The following EGFLAM variants were observed in gnomAD, a reference collection of about 807,000 sequenced individuals.
The protein encoded by EGFLAM is pikachurin.
EGFLAM carries 79 observed loss-of-function variants against 113.1 expected under a neutral mutation model. The observed-to-expected ratio is 0.70, with a 90% CI of 0.58 to 0.84. The LOEUF is 0.84. EGFLAM is among the 40% of genes least tolerant of loss of function. The pLI, the probability that EGFLAM is intolerant of heterozygous loss-of-function variation, is 0.00. For synonymous variants in EGFLAM, 504 were observed against 487.6 expected, an observed-to-expected ratio of 1.03 and a Z score of -0.44; for missense variants, 1,265 against 1,291.6, an observed-to-expected ratio of 0.98 and a Z score of 0.32.
intron 1 of EGFLAM, among the ~76,000 whole-genome samples, chr5:38,299,392 G>A (rs1186233881): frequency 1.1e-4 from 17 of 152,236 alleles, no homozygotes; most frequent in Non-Finnish European, 7.3e-5. Flanking sequence ...AAGACAGTGA[G>A]CCAAGGTGAG....
chr5:38,456,210 A>G (rs978751111), intron 19 of EGFLAM, among the ~76,000 whole-genome samples: 2 of 152,076 alleles, frequency 1.3e-5, no homozygotes, highest in African/African-American at 2.4e-5. Flanking sequence ...AGCATTCCCT[A>G]GGATTCTTCA....
At chr5:38,417,280 G>C (rs1250020266) in intron 11 of EGFLAM, among the ~76,000 whole-genome samples, 2 of 149,610 alleles carry the variant, frequency 1.3e-5, no homozygotes, top group Non-Finnish European at 3.0e-5. Context: ...CCTGGGAGGC[G>C]GAGGTTACGG....
chr5:38,394,853 G>A (rs1561065799), intron 6 of EGFLAM, among the ~76,000 whole-genome samples: 2 of 151,062 alleles, frequency 1.3e-5, no homozygotes, highest in Non-Finnish European at 2.9e-5. Context: ...TTAAAGATCT[G>A]TTAGTGATAA....
intron 1 of EGFLAM, among the ~76,000 whole-genome samples, chr5:38,281,624 T>C (rs1579721445): frequency 6.6e-6 from 1 of 152,178 alleles, no homozygotes. Flanking sequence ...TTTGTGGAAG[T>C]GGCACGGGGA....
At chr5:38,326,902 G>A (rs1166405262) in intron 1 of EGFLAM, among the ~76,000 whole-genome samples, 1 of 150,182 alleles carries the variant, frequency 6.7e-6, no homozygotes, top group African/African-American at 2.5e-5. Context: ...AGGTTCAAGC[G>A]ATTCTCCTGC....
intron 1 of EGFLAM, 36 bp downstream of exon 1, chr5:38,258,887 G>T (rs1193935922): frequency 4.4e-6 from 7 of 1,589,916 alleles, no homozygotes; most frequent in Non-Finnish European, 6.0e-6. Flanking sequence ...ACCACGCCCC[G>T]AGCGCCCCTG....
At chr5:38,314,130 C>T (rs367679029) in intron 1 of EGFLAM, among the ~76,000 whole-genome samples, 1 of 152,094 alleles carries the variant, frequency 6.6e-6, no homozygotes, top group African/African-American at 2.4e-5. Context: ...TTTTCTAATT[C>T]TTTAATCCAT....
At chr5:38,425,165 T>G in intron 13 of EGFLAM, 73 bp downstream of exon 13, 4 of 1,543,532 alleles carry the variant, frequency 2.6e-6, no homozygotes, top group African/African-American at 1.4e-5. Flanking sequence ...ATCATCAATA[T>G]AGTTTCTTTG....
intron 1 of EGFLAM, among the ~76,000 whole-genome samples, chr5:38,323,507 A>C (rs1023698198): frequency 6.6e-5 from 10 of 152,196 alleles, no homozygotes; most frequent in African/African-American, 2.2e-4. Flanking sequence ...TTTTAGTTTC[A>C]AATGCTATGT....
chr5:38,414,705 A>T lies in EGFLAM; in HGVS notation c.1494+2057A>T, dbSNP rs143322408. Among the ~76,000 whole-genome samples, 24 of 152,302 alleles carry T rather than the reference A, an allele frequency of 1.6e-4. No homozygotes were observed. The East Asian group carries it at 3.9e-3, about 25-fold the overall frequency. ...TGACTTGAAATCCCTTCAATGATTG[A>T]TTGAAGGAGCAATGTTTAGTTTGGA... On this transcript the variant is annotated intron_variant, in intron 11 of 21. Coordinates refer to ENST00000322350, the MANE Select transcript of EGFLAM (RefSeq NM_152403.4).
chr5:38,393,020 G>A (rs934735165), intron 6 of EGFLAM, among the ~76,000 whole-genome samples: 49 of 152,218 alleles, frequency 3.2e-4, no homozygotes, highest in African/African-American at 1.0e-3. Context: ...TTACAAGCGT[G>A]AGCCACCGCA....
chr5:38,288,360 T>C (rs1393881145), intron 1 of EGFLAM, among the ~76,000 whole-genome samples: 2 of 152,188 alleles, frequency 1.3e-5, no homozygotes, highest in East Asian at 1.9e-4. Flanking sequence ...GTTTCAAAAC[T>C]GGAAAATGGA....
intron 1 of EGFLAM, among the ~76,000 whole-genome samples, chr5:38,334,348 A>C (rs138227003): frequency 5.3e-4 from 80 of 152,344 alleles, no homozygotes; most frequent in South Asian, 1.7e-3. Flanking sequence ...GACAAGTCTA[A>C]GACCAAGGCA....
At position 38,452,076 on chromosome 5, in the gene EGFLAM, G is replaced by A. The variant is rs142973596; in HGVS notation, c.2687+618G>A. ...TTTGAGACAGGGTCTTGCTGTTGTC[G>A]CCCAGGCCAGAGTGCAGTGGCGCAA... is the stretch of plus-strand genomic sequence containing the variant. On this transcript the variant is annotated intron_variant, in intron 19 of 21. Coordinates refer to ENST00000322350, the MANE Select transcript of EGFLAM (RefSeq NM_152403.4). 8.1e-3 allele frequency among the ~76,000 whole-genome samples: 1,127 copies of A among 139,712 alleles called. 16 individuals are homozygous for A. The highest frequency in any genetic ancestry group is 0.027 in the African/African-American group (1,010 of 37,056). The allele number at this position is 139,712 out of a possible 152,430, so 91.7% of individuals were successfully genotyped here.
chr5:38,370,796 A>T (rs1740189821), intron 6 of EGFLAM, among the ~76,000 whole-genome samples: 1 of 152,172 alleles, frequency 6.6e-6, no homozygotes, highest in African/African-American at 2.4e-5. Context: ...AAATGAGTTA[A>T]TCTTAGAACC....
At chr5:38,325,342 CACATACTTACT>C (rs1738851008) in intron 1 of EGFLAM, among the ~76,000 whole-genome samples, 1 of 152,178 alleles carries the variant, frequency 6.6e-6, no homozygotes, top group Admixed American at 6.5e-5. Context: ...ATGTTGAAGA[CACATACTTACT>C]ACTGGTCCCT....
At chr5:38,326,881 C>T (rs933307502) in intron 1 of EGFLAM, among the ~76,000 whole-genome samples, 6 of 151,318 alleles carry the variant, frequency 4.0e-5, no homozygotes, top group African/African-American at 1.5e-4. Flanking sequence ...TCACAGCAAC[C>T]TCCGCCTCCC....
chr5:38,337,390 G>A (rs1739216092), intron 1 of EGFLAM, 130 bp from the exon 2 acceptor site: 1 of 873,916 alleles, frequency 1.1e-6, no homozygotes, highest in South Asian at 1.9e-5. Flanking sequence ...ATCAGAAATT[G>A]ACTGCATTTC....
intron 1 of EGFLAM, among the ~76,000 whole-genome samples, chr5:38,294,589 C>T (rs1758409816): frequency 6.6e-6 from 1 of 152,018 alleles, no homozygotes; most frequent in Non-Finnish European, 1.5e-5. Context: ...ATACCCCTCT[C>T]CAATGCTGAA....
Sources: allele counts gnomAD v4.1 joint callset (sites outside exome capture counted in the v4.1 genomes callset), GRCh38; gene constraint gnomAD v4.1.1; transcripts MANE v1.5; gene names NCBI Gene and HGNC (gene_info 2026-07-23, HGNC 2026-07-21).